USP36: variants seen among roughly 807,000 people sequenced by gnomAD.
USP36 encodes the protein ubiquitin carboxyl-terminal hydrolase 36.
A neutral mutation model predicts 111.5 loss-of-function variants in USP36; 59 were observed. That is an observed-to-expected ratio of 0.53 (90% CI 0.43 to 0.66). The LOEUF is 0.66. USP36 is among the 30% of genes least tolerant of loss of function. The probability of loss-of-function intolerance (pLI) is 0.00; values close to 1 mark genes in which losing one functional copy is unlikely to be tolerated. For synonymous variants in USP36, 628 were observed against 581.0 expected (o/e 1.08, Z -1.16); for missense variants, 1,488 against 1,468.0 (o/e 1.01, Z -0.22).
chr17:78,807,695 ATCT>A, intron 13 of USP36, 59 bp from the exon 14 acceptor site: 2 of 1,476,956 alleles, frequency 1.4e-6, no homozygotes, highest in Non-Finnish European at 1.8e-6. Context: ...GCTGGGCCAC[ATCT>A]TCTTAAGGCC....
intron 12 of USP36, 61 bp from the exon 13 acceptor site, chr17:78,813,062 AT>A (rs1160565238): frequency 5.6e-6 from 9 of 1,603,656 alleles, no homozygotes; most frequent in Non-Finnish European, 7.7e-6. Context: ...AACGGAGAGA[AT>A]TAGAATAAGT....
At chr17:78,819,802 A>G (rs2094275359) in intron 9 of USP36, 128 bp downstream of exon 9, 4 of 901,522 alleles carry the variant, frequency 4.4e-6, no homozygotes, top group Non-Finnish European at 6.9e-6. Context: ...TAGGACACAC[A>G]TAGGTTCCTC....
At position 78,790,527 on chromosome 17, in the gene USP36, G is replaced by C. The variant is rs540713274; in HGVS notation, c.*21-2869C>G. On this transcript the variant is annotated intron_variant, in intron 3 of 3. Coordinates refer to the USP36 transcript ENST00000588130. ...AGGCTGGTTTTGAACTCCTGACCTT[G>C]TGATCTGTCTGCCGTGGCCTCCCAA... Among the ~76,000 whole-genome samples the C allele has an allele frequency of 6.6e-5, 10 of 152,154 alleles. No individual in the cohort carries two copies. The South Asian group carries it at 2.1e-3, about 32-fold the overall frequency.
Position 78,836,381 on chromosome 17 carries a change from A to G in USP36, c.-9-9T>C, listed in dbSNP as rs2068669004. ...ATTGGCATGGTGCATCACTGTGGGG[A>G]CAAGAAGAAACATAGAGCCATAGAT... On this transcript the variant is annotated splice_polypyrimidine_tract_variant and intron_variant, in intron 2 of 20. Coordinates refer to ENST00000449938, the MANE Select transcript of USP36 (RefSeq NM_001385174.1). 1.2e-6 allele frequency: 2 copies of G among 1,611,236 alleles called. No homozygotes were observed. The highest frequency in any genetic ancestry group is 8.5e-7 in the Non-Finnish European group (1 of 1,178,398).
intron 15 of USP36, among the ~76,000 whole-genome samples, chr17:78,804,582 T>C (rs188776643): frequency 8.0e-4 from 100 of 125,002 alleles, no homozygotes; most frequent in African/African-American, 3.0e-3. Context: ...CTTTACATCC[T>C]GCACATGTAC....
intron 3 of USP36, among the ~76,000 whole-genome samples, chr17:78,788,567 G>A (rs2093555122): frequency 6.6e-6 from 1 of 151,488 alleles, no homozygotes; most frequent in African/African-American, 2.5e-5. Context: ...GGTGCAAGCT[G>A]GAGGGTCTCA....
At chr17:78,820,064 AT>A (rs779829495) in intron 8 of USP36, 52 bp from the exon 9 acceptor site, 2 of 1,578,800 alleles carry the variant, frequency 1.3e-6, no homozygotes, top group East Asian at 4.5e-5. Context: ...AAAAAGGCTG[AT>A]TCAAGAAATG....
intron 13 of USP36, among the ~76,000 whole-genome samples, chr17:78,807,957 G>A (rs767068262): frequency 2.0e-5 from 3 of 152,160 alleles, no homozygotes; most frequent in Non-Finnish European, 4.4e-5. Context: ...ACCTGCCTCA[G>A]CCTCCAGAAG....
Position 78,807,058 on chromosome 17 carries a change from C to T in USP36, c.1986G>A (p.Thr662=), listed in dbSNP as rs781572520. 98 of 1,614,204 alleles carry T rather than the reference C, an allele frequency of 6.1e-5. No homozygotes were observed. Among genetic ancestry groups the T allele is most frequent in the Middle Eastern group, 3.3e-4 (2 of 6,062 alleles). ...KTPPSGADSK[T]VKLKSPVLSN... is the part of the protein sequence containing the mutation. ...TCAGGACAGGGGACTTCAGCTTCACCGTCTTAGAATCTGCTCCACTTGGCG... is the reference window on the plus strand; with the variant it reads ...TCAGGACAGGGGACTTCAGCTTCACTGTCTTAGAATCTGCTCCACTTGGCG... Residue 662 remains threonine (T), a synonymous_variant, in exon 14 of 21, where the codon ACG becomes ACA. Transcript: ENST00000449938.
At chr17:78,814,293 A>G (rs2094132418) in intron 11 of USP36, 119 bp downstream of exon 11, 2 of 1,395,772 alleles carry the variant, frequency 1.4e-6, no homozygotes, top group African/African-American at 2.9e-5. Flanking sequence ...GAGGACTTGA[A>G]TACAACCACA....
At chr17:78,805,857 G>A (rs2093884746) in intron 15 of USP36, among the ~76,000 whole-genome samples, 2 of 152,232 alleles carry the variant, frequency 1.3e-5, no homozygotes, top group South Asian at 4.1e-4. Flanking sequence ...ATACAGGACA[G>A]GTCAGTCCCC....
chr17:78,815,564 G>A (rs2094158607), intron 10 of USP36, among the ~76,000 whole-genome samples: 1 of 152,156 alleles, frequency 6.6e-6, no homozygotes, highest in Non-Finnish European at 1.5e-5. Flanking sequence ...GGGAGAAAAG[G>A]GAGAGAATGC....
chr17:78,818,062 G>C (rs1276093291), intron 10 of USP36, among the ~76,000 whole-genome samples: 1 of 152,184 alleles, frequency 6.6e-6, no homozygotes, highest in Non-Finnish European at 1.5e-5. Flanking sequence ...TCCAGCCCAG[G>C]TGACAGAGTG....
At chr17:78,814,645 G>T in intron 10 of USP36, 93 bp from the exon 11 acceptor site, 1 of 1,470,390 alleles carries the variant, frequency 6.8e-7, no homozygotes, top group Non-Finnish European at 9.2e-7. Context: ...AAAATGCCCA[G>T]CTTGTCTGGT....
rs368552550 is a variant in USP36 at position 78,803,360 on chromosome 17, G to A, written c.2810+25C>T. 1.3e-6 allele frequency: 2 copies of A among 1,599,012 alleles called. No homozygotes were observed. Among genetic ancestry groups the A allele is most frequent in the African/African-American group, 1.3e-5 (1 of 74,750 alleles). ...CTTTGTTTCTCGTCAGAGGTAGACA[G>A]ATGCCACTTTGCTCCTGCCCTTACC... On this transcript the variant is annotated intron_variant, in intron 16 of 20. Transcript: ENST00000449938. The surrounding 1 kb of genome is among the most constrained non-coding windows in gnomAD (Gnocchi z 4.6).
At chr17:78,822,863 T>C (rs1029319337) in intron 6 of USP36, among the ~76,000 whole-genome samples, 1 of 152,160 alleles carries the variant, frequency 6.6e-6, no homozygotes, top group Non-Finnish European at 1.5e-5. Flanking sequence ...CTGCAGGCCC[T>C]TTACTAGGAG....
chr17:78,815,754 C>CATACATGCACGCATAAA (rs1471516417), intron 10 of USP36, among the ~76,000 whole-genome samples: 2 of 152,146 alleles, frequency 1.3e-5, no homozygotes, highest in Non-Finnish European at 2.9e-5. Context: ...TACATATATG[C>CATACATGCACGCATAAA]ATACATGCAC....
chr17:78,788,599 C>G (rs1268086307), intron 3 of USP36, among the ~76,000 whole-genome samples: 1 of 151,486 alleles, frequency 6.6e-6, no homozygotes, highest in East Asian at 1.9e-4. Context: ...GGACTGATGC[C>G]CACCCTGACC....
At chr17:78,787,668 A>C (rs987803265) in intron 3 of USP36, 1 of 152,230 alleles carries the variant, frequency 6.6e-6, no homozygotes, top group Non-Finnish European at 1.5e-5. Flanking sequence ...TCTGTGAGGT[A>C]GAGATTGGGA....
Sources: allele counts gnomAD v4.1 joint callset (sites outside exome capture counted in the v4.1 genomes callset), GRCh38; gene constraint gnomAD v4.1.1; non-coding constraint Gnocchi (gnomAD v3.1); transcripts MANE v1.5; gene names NCBI Gene and HGNC (gene_info 2026-07-23, HGNC 2026-07-21).